LHFPL3: variants seen among roughly 807,000 people sequenced by gnomAD.
LHFPL3 encodes the protein LHFPL tetraspan subfamily member 3 protein.
Under a neutral mutation model 19.3 loss-of-function variants are expected in LHFPL3, and 5 were observed. The ratio of observed to expected loss-of-function variants is 0.26; its 90% confidence interval spans 0.14 to 0.54. The LOEUF is 0.54. Ranked by LOEUF, LHFPL3 falls within the 20% of genes least tolerant of loss-of-function variation. The pLI, the probability that LHFPL3 is intolerant of heterozygous loss-of-function variation, is 0.94. For missense variants in LHFPL3, 249 were observed against 307.4 expected (o/e 0.81, Z 1.42); for synonymous variants, 133 against 126.2 (o/e 1.05, Z -0.36).
At chr7:104,486,363 C>T (rs919697323) in intron 1 of LHFPL3, among the ~76,000 whole-genome samples, 1 of 152,118 alleles carries the variant, frequency 6.6e-6, no homozygotes, top group Non-Finnish European at 1.5e-5. Flanking sequence ...GTTGCTATAA[C>T]AGAAATACTA....
At chr7:104,384,787 C>CAAAA (rs771136918) in intron 1 of LHFPL3, among the ~76,000 whole-genome samples, 14 of 74,522 alleles carry the variant, frequency 1.9e-4, no homozygotes, top group East Asian at 4.1e-4. Flanking sequence ...AACTCTATTT[C>CAAAA]AAAAAAAAAA....
chr7:104,440,877 A>T (rs531986598), intron 1 of LHFPL3, among the ~76,000 whole-genome samples: 10 of 152,292 alleles, frequency 6.6e-5, no homozygotes, highest in African/African-American at 2.2e-4. Context: ...ATTAAGGTAT[A>T]ATTGATATAC....
intron 1 of LHFPL3, among the ~76,000 whole-genome samples, chr7:104,665,136 A>C (rs1348704842): frequency 6.6e-6 from 1 of 152,216 alleles, no homozygotes; most frequent in Non-Finnish European, 1.5e-5. Flanking sequence ...TGCTAATGTA[A>C]AACTGGTTTT....
Position 104,338,304 on chromosome 7 carries a change from T to A in LHFPL3, c.445+9080T>A, listed in dbSNP as rs1789877655. On this transcript the variant is annotated intron_variant, in intron 1 of 2. Transcript: ENST00000424859. Reference sequence around the variant, plus strand: ...TTAGTAGAGACGGGGTGTCACCGTATTAGCCAGGATGGTCTCGATCTCCTG... The same window carrying A: ...TTAGTAGAGACGGGGTGTCACCGTAATAGCCAGGATGGTCTCGATCTCCTG... Among the ~76,000 whole-genome samples the A allele has an allele frequency of 2.0e-5, 3 of 152,054 alleles. No individual in the cohort carries two copies. In the South Asian group the frequency reaches 6.2e-4, roughly 32 times the overall value.
chr7:104,658,401 TG>T (rs1394222374), intron 1 of LHFPL3, among the ~76,000 whole-genome samples: 1 of 152,230 alleles, frequency 6.6e-6, no homozygotes, highest in Non-Finnish European at 1.5e-5. Context: ...TTACTCCTTT[TG>T]CTACACAGCA....
At chr7:104,693,066 T>A (rs535898269) in intron 1 of LHFPL3, among the ~76,000 whole-genome samples, 4 of 152,330 alleles carry the variant, frequency 2.6e-5, no homozygotes, top group African/African-American at 9.6e-5. Context: ...ATGTGAGACA[T>A]GAAGTCAAAG....
At chr7:104,467,369 C>A (rs560508089) in intron 1 of LHFPL3, among the ~76,000 whole-genome samples, 1 of 152,110 alleles carries the variant, frequency 6.6e-6, no homozygotes, top group African/African-American at 2.4e-5. Flanking sequence ...GGGGTCTACT[C>A]GAGTGTCAGT....
At chr7:104,409,618 A>G (rs1274785162) in intron 1 of LHFPL3, among the ~76,000 whole-genome samples, 3 of 152,144 alleles carry the variant, frequency 2.0e-5, no homozygotes, top group Non-Finnish European at 4.4e-5. Context: ...CCTGCCAAAA[A>G]AGAATAAGTA....
At chr7:104,617,891 A>G (rs1019346370) in intron 1 of LHFPL3, among the ~76,000 whole-genome samples, 2 of 152,348 alleles carry the variant, frequency 1.3e-5, no homozygotes, top group African/African-American at 4.8e-5. Flanking sequence ...GCTACCAAGT[A>G]ATAGAAAACC....
At chr7:104,577,467 C>A (rs1352530175) in intron 1 of LHFPL3, among the ~76,000 whole-genome samples, 1 of 152,114 alleles carries the variant, frequency 6.6e-6, no homozygotes, top group East Asian at 1.9e-4. Flanking sequence ...TATACACACA[C>A]ACGTATATAT....
chr7:104,487,798 C>T (rs1793266541), intron 1 of LHFPL3, among the ~76,000 whole-genome samples: 1 of 152,128 alleles, frequency 6.6e-6, no homozygotes, highest in Non-Finnish European at 1.5e-5. Context: ...TCCTTCACTC[C>T]ATATATGATG....
At chr7:104,552,283 T>G (rs1449723580) in intron 1 of LHFPL3, among the ~76,000 whole-genome samples, 12 of 152,200 alleles carry the variant, frequency 7.9e-5, no homozygotes, top group Non-Finnish European at 1.8e-4. Context: ...GCCTAGTGAC[T>G]GGGTTTAGAC....
chr7:104,867,215 ATAAC>A lies in LHFPL3; in HGVS notation c.683-38968_683-38965del, dbSNP rs529834929. On this transcript the variant is annotated intron_variant, in intron 2 of 2. Coordinates refer to ENST00000424859, the MANE Select transcript of LHFPL3 (RefSeq NM_199000.3). ...TTCAAAAGCTAGCAGAAGGCAAGAA[ATAAC>A]TAAGATCAGAGCAGAAGTCAAGGAG... Among the ~76,000 whole-genome samples, 999 of 152,358 alleles carry A rather than the reference ATAAC, an allele frequency of 6.6e-3. 10 individuals are homozygous for A. The highest frequency in any genetic ancestry group is 0.023 in the African/African-American group (944 of 41,572).
intron 2 of LHFPL3, among the ~76,000 whole-genome samples, chr7:104,782,466 C>T (rs1789827553): frequency 6.6e-6 from 1 of 152,150 alleles, no homozygotes; most frequent in South Asian, 2.1e-4. Flanking sequence ...AATTTATCCT[C>T]TGCAACAACC....
chr7:104,734,572 G>T (rs1186608139), intron 1 of LHFPL3, among the ~76,000 whole-genome samples: 5 of 152,152 alleles, frequency 3.3e-5, no homozygotes, highest in African/African-American at 9.7e-5. Context: ...AGCTCCATCA[G>T]GTCCTTTAAG....
intron 2 of LHFPL3, among the ~76,000 whole-genome samples, chr7:104,806,667 T>A (rs1028650144): frequency 6.6e-6 from 1 of 152,196 alleles, no homozygotes; most frequent in South Asian, 2.1e-4. Flanking sequence ...TGTTGACAAT[T>A]CTAGAATGAA....
At chr7:104,564,314 T>G (rs1313485808) in intron 1 of LHFPL3, among the ~76,000 whole-genome samples, 1 of 152,198 alleles carries the variant, frequency 6.6e-6, no homozygotes, top group Non-Finnish European at 1.5e-5. Context: ...CAGTAATTCT[T>G]GATATAGTAA....
At chr7:104,491,261 G>T (rs1413425045) in intron 1 of LHFPL3, among the ~76,000 whole-genome samples, 2 of 152,090 alleles carry the variant, frequency 1.3e-5, no homozygotes, top group African/African-American at 4.8e-5. Flanking sequence ...ATACACAACT[G>T]GGGGAAACTG....
chr7:104,493,713 T>G (rs1793403155), intron 1 of LHFPL3, among the ~76,000 whole-genome samples: 1 of 152,172 alleles, frequency 6.6e-6, no homozygotes, highest in South Asian at 2.1e-4. Flanking sequence ...CTTGTCTTTT[T>G]TTTTTTGCTT....
Sources: gnomAD v4.1 joint callset for allele counts (sites outside exome capture counted in the v4.1 genomes callset) on GRCh38, gnomAD v4.1.1 for gene constraint, MANE v1.5 for transcripts, NCBI Gene and HGNC (gene_info 2026-07-23, HGNC 2026-07-21) for gene names.